DOCK1: variants seen among roughly 807,000 people sequenced by gnomAD.
The protein encoded by DOCK1 is dedicator of cytokinesis 1.
A neutral mutation model predicts 262.7 loss-of-function variants in DOCK1; 138 were observed. The observed-to-expected ratio is 0.53, with a 90% confidence interval of 0.46 to 0.61. The LOEUF (loss-of-function observed/expected upper bound fraction) is 0.61. Ranked by LOEUF, DOCK1 falls within the 20% of genes least tolerant of loss-of-function variation. The pLI, the probability that DOCK1 is intolerant of heterozygous loss-of-function variation, is 0.00. For synonymous variants in DOCK1, 866 were observed against 867.4 expected (o/e 1.00, Z 0.03); for missense variants, 1,908 against 2,370.7 (o/e 0.80, Z 4.05).
chr10:127,439,301 G>A (rs1291425633), intron 49 of DOCK1, 76 bp downstream of exon 49: 2 of 1,444,024 alleles, frequency 1.4e-6, no homozygotes, highest in Non-Finnish European at 1.9e-6. Flanking sequence ...TAGCCAACAG[G>A]GCTGACGGTG....
chr10:127,266,868 C>T (rs1356811843), intron 29 of DOCK1, among the ~76,000 whole-genome samples: 2 of 152,154 alleles, frequency 1.3e-5, no homozygotes, highest in East Asian at 3.8e-4. Flanking sequence ...ATTTCACAGC[C>T]CAGAGTCCCC....
intron 27 of DOCK1, among the ~76,000 whole-genome samples, chr10:127,222,430 T>C (rs560058822): frequency 6.6e-6 from 1 of 152,258 alleles, no homozygotes; most frequent in African/African-American, 2.4e-5. Flanking sequence ...AAATACTGGG[T>C]TGAATACCTC....
At chr10:127,387,791 A>G (rs550315215) in intron 38 of DOCK1, among the ~76,000 whole-genome samples, 1 of 152,358 alleles carries the variant, frequency 6.6e-6, no homozygotes, top group African/African-American at 2.4e-5. Context: ...GCTTCCTGAC[A>G]GATGAGAAAT....
At chr10:127,419,194 T>G (rs1461385392) in intron 45 of DOCK1, among the ~76,000 whole-genome samples, 1 of 152,228 alleles carries the variant, frequency 6.6e-6, no homozygotes, top group Non-Finnish European at 1.5e-5. Context: ...AAAAAGCTTG[T>G]TGACCCCTGA....
chr10:127,035,171 C>T (rs1474329064), intron 18 of DOCK1, among the ~76,000 whole-genome samples: 1 of 152,212 alleles, frequency 6.6e-6, no homozygotes, highest in Non-Finnish European at 1.5e-5. Flanking sequence ...TAAGCATCAA[C>T]TCCCACATTC....
In DOCK1 at chr10:127,045,122, C is replaced by T. The variant is rs7920406; in HGVS notation, c.2201+1958C>T. Among the ~76,000 whole-genome samples, 1,140 of 142,902 alleles carry T rather than the reference C, an allele frequency of 8.0e-3. 15 individuals are homozygous for T. Among genetic ancestry groups the T allele is most frequent in the African/African-American group, 0.026 (1,029 of 38,946 alleles). The allele number at this position is 142,902 out of a possible 152,430, so 93.7% of individuals were successfully genotyped here. A position where few individuals can be genotyped will look rare whatever the true frequency, so the allele number is the denominator to read the frequency against. On this transcript the variant is annotated intron_variant, in intron 21 of 51. Coordinates refer to ENST00000623213, the MANE Select transcript of DOCK1 (RefSeq NM_001290223.2). The stretch of plus-strand genomic sequence containing the variant: ...CTGAGGCAGGAGAATCACTTGAACC[C>T]GGGAGGCGGAGGTTGCAGTGAGCCG...
At chr10:126,935,716 C>A (rs1028913837) in intron 1 of DOCK1, among the ~76,000 whole-genome samples, 2 of 152,228 alleles carry the variant, frequency 1.3e-5, no homozygotes. Context: ...TCTGAGCTGT[C>A]CCAGCATCCT....
chr10:127,352,017 T>A (rs1345226434), intron 31 of DOCK1, among the ~76,000 whole-genome samples: 1 of 150,990 alleles, frequency 6.6e-6, no homozygotes, highest in Non-Finnish European at 1.5e-5. Flanking sequence ...TCTTGTATCC[T>A]TGCTAATCCC....
chr10:126,964,857 C>T (rs1430814224), intron 1 of DOCK1, among the ~76,000 whole-genome samples: 1 of 152,226 alleles, frequency 6.6e-6, no homozygotes, highest in Admixed American at 6.5e-5. Context: ...CTGATTAAGT[C>T]TCAGCCTCTG....
intron 27 of DOCK1, among the ~76,000 whole-genome samples, chr10:127,196,625 C>T (rs1380570355): frequency 1.7e-5 from 2 of 115,226 alleles, no homozygotes; most frequent in African/African-American, 3.3e-5. Context: ...GCGGGGGCGG[C>T]GCGGGGCCGG....
At position 127,106,140 on chromosome 10, in the gene DOCK1, A is replaced by G; in HGVS notation, c.2446-91A>G. 8 of 1,281,656 alleles carry G rather than the reference A, an allele frequency of 6.2e-6. No individual in the cohort carries two copies. In the South Asian group the frequency reaches 1.1e-4, roughly 18 times the overall value. The allele number at this position is 1,281,656 out of a possible 1,614,324, so 79.4% of individuals were successfully genotyped here. A position where few individuals can be genotyped will look rare whatever the true frequency, so the allele number is the denominator to read the frequency against. On this transcript the variant is annotated intron_variant, in intron 23 of 51. Coordinates refer to ENST00000623213, the MANE Select transcript of DOCK1 (RefSeq NM_001290223.2). ...TGGAAGTGATCTTTCTCTTCTCAGT[A>G]TTTCTGCGGTTCTTCTCATAAGGAT...
chr10:127,266,771 T>C (rs2060374938), intron 29 of DOCK1, among the ~76,000 whole-genome samples: 1 of 152,186 alleles, frequency 6.6e-6, no homozygotes, highest in African/African-American at 2.4e-5. Context: ...GAGTTCTCCA[T>C]ACCTGCATTT....
chr10:127,248,213 G>C, intron 28 of DOCK1, 104 bp downstream of exon 28: 4 of 1,021,662 alleles, frequency 3.9e-6, no homozygotes, highest in Non-Finnish European at 5.8e-6. Context: ...TTTTGCATGA[G>C]AACTTGTCTC....
chr10:127,327,882 T>C (rs1181685462), intron 29 of DOCK1, among the ~76,000 whole-genome samples: 1 of 152,276 alleles, frequency 6.6e-6, no homozygotes, highest in South Asian at 2.1e-4. Flanking sequence ...ATATGACCTG[T>C]CACTTATAGA....
intron 12 of DOCK1, among the ~76,000 whole-genome samples, chr10:127,014,006 C>T (rs74161523): frequency 6.6e-6 from 1 of 152,156 alleles, no homozygotes; most frequent in Non-Finnish European, 1.5e-5. Flanking sequence ...GTTAGCGGCC[C>T]CAGGAGTGGA....
At chr10:127,135,539 G>C (rs1031578364) in intron 27 of DOCK1, 1 of 152,572 alleles carries the variant, frequency 6.6e-6, no homozygotes, top group Non-Finnish European at 1.5e-5. Context: ...AACCCTGTGC[G>C]TTTTACCTTG....
chr10:127,308,173 G>A (rs1014091462), intron 29 of DOCK1, among the ~76,000 whole-genome samples: 18 of 152,232 alleles, frequency 1.2e-4, no homozygotes, highest in African/African-American at 4.1e-4. Flanking sequence ...AGGGGTGACA[G>A]CATTGTTGGC....
chr10:127,356,576 C>A (rs780320127), intron 32 of DOCK1, among the ~76,000 whole-genome samples: 14 of 152,096 alleles, frequency 9.2e-5, no homozygotes, highest in Admixed American at 6.5e-5. Context: ...ACGGCAGGCC[C>A]CACACCAGGC....
chr10:127,020,470 G>A (rs1365420734), intron 13 of DOCK1, among the ~76,000 whole-genome samples: 2 of 152,064 alleles, frequency 1.3e-5, no homozygotes, highest in East Asian at 3.9e-4. Context: ...GGGAGGCTGA[G>A]GTGGGAGGAT....
Sources: gnomAD v4.1 joint callset for allele counts (sites outside exome capture counted in the v4.1 genomes callset) on GRCh38, gnomAD v4.1.1 for gene constraint, MANE v1.5 for transcripts, NCBI Gene and HGNC (gene_info 2026-07-23, HGNC 2026-07-21) for gene names.